The following TMEM266 variants were observed in gnomAD, a reference collection of about 807,000 sequenced individuals.
TMEM266 encodes the protein transmembrane protein 266, also known as Hv1 related protein 1.
TMEM266 carries 33 observed loss-of-function variants against 50.5 expected under a neutral mutation model. The observed-to-expected ratio is 0.65, with a 90% CI of 0.50 to 0.87. The LOEUF is 0.87. TMEM266 is among the 40% of genes least tolerant of loss of function. The probability of loss-of-function intolerance (pLI) is 0.00; values close to 1 mark genes in which losing one functional copy is unlikely to be tolerated. For missense variants in TMEM266, 655 were observed against 695.1 expected, an observed-to-expected ratio of 0.94 and a Z score of 0.65; for synonymous variants, 310 against 292.3, an observed-to-expected ratio of 1.06 and a Z score of -0.62.
At chr15:76,092,996 C>T (rs1054475872) in intron 1 of TMEM266, among the ~76,000 whole-genome samples, 27 of 151,074 alleles carry the variant, frequency 1.8e-4, no homozygotes, top group Admixed American at 1.2e-3. Context: ...TTAGTAGAGA[C>T]GGGGTTTCAC....
chr15:76,166,564 T>C (rs893910924), intron 5 of TMEM266, among the ~76,000 whole-genome samples: 6 of 152,190 alleles, frequency 3.9e-5, no homozygotes, highest in Non-Finnish European at 7.4e-5. Flanking sequence ...GCCCCTTTCC[T>C]TCCCGGGGCA....
intron 1 of TMEM266, among the ~76,000 whole-genome samples, chr15:76,084,832 A>T (rs1182728064): frequency 6.6e-6 from 1 of 151,614 alleles, no homozygotes; most frequent in African/African-American, 2.4e-5. Flanking sequence ...TGAACTCCTG[A>T]CCTCGTGATC....
chr15:76,171,252 G>A, intron 7 of TMEM266, 121 bp downstream of exon 7: 2 of 1,383,990 alleles, frequency 1.4e-6, no homozygotes, highest in Non-Finnish European at 9.7e-7. Context: ...AGGTGAAACT[G>A]TCGGCAGGGA....
chr15:76,184,530 C>T (rs1436547997), intron 8 of TMEM266, among the ~76,000 whole-genome samples: 1 of 152,204 alleles, frequency 6.6e-6, no homozygotes, highest in African/African-American at 2.4e-5. Context: ...GGATGCTATC[C>T]CAACAGCAGA....
chr15:76,144,263 C>T (rs1174019181), intron 3 of TMEM266, among the ~76,000 whole-genome samples: 1 of 152,098 alleles, frequency 6.6e-6, no homozygotes, highest in South Asian at 2.1e-4. Context: ...CAAGCACCTA[C>T]GTCTCTTTCC....
At chr15:76,191,634 C>T (rs2142081628) in intron 8 of TMEM266, 1 of 254,968 alleles carries the variant, frequency 3.9e-6, no homozygotes, top group East Asian at 9.2e-5. Context: ...AGAGCTAGAA[C>T]TGAATTTGCA....
chr15:76,132,671 T>C (rs1262248994), intron 1 of TMEM266, among the ~76,000 whole-genome samples: 2 of 151,420 alleles, frequency 1.3e-5, no homozygotes, highest in African/African-American at 4.8e-5. Flanking sequence ...GGCGCATGCC[T>C]GTAGTCCCAG....
intron 1 of TMEM266, among the ~76,000 whole-genome samples, chr15:76,102,249 A>G (rs997115342): frequency 6.6e-6 from 1 of 152,208 alleles, no homozygotes; most frequent in South Asian, 2.1e-4. Flanking sequence ...GTTATCTTGA[A>G]ATGAAATCCC....
At chr15:76,079,779 A>AT in intron 1 of TMEM266, among the ~76,000 whole-genome samples, 1 of 151,610 alleles carries the variant, frequency 6.6e-6, no homozygotes, top group African/African-American at 2.4e-5. Context: ...CTCAAAAAAA[A>AT]AAAAAAAAAA....
rs1029617628 is a variant in TMEM266, at chr15:76,168,230, G to A, written c.457-1586G>A. ...CACCCAGAGACCGGGAAGTTATAGC[G>A]GAGCGGACTTCGGGCTGCCACATGC... On this transcript the variant is annotated intron_variant, in intron 5 of 10. Coordinates refer to ENST00000388942, the MANE Select transcript of TMEM266 (RefSeq NM_152335.3). The surrounding 1 kb of genome is among the most constrained non-coding windows in gnomAD (Gnocchi z 4.4). Among the ~76,000 whole-genome samples the A allele has an allele frequency of 3.0e-4, 45 of 152,288 alleles. No homozygotes were observed. The highest frequency in any genetic ancestry group is 9.1e-4 in the African/African-American group (38 of 41,558).
At chr15:76,105,413 C>T (rs1294637594) in intron 1 of TMEM266, among the ~76,000 whole-genome samples, 3 of 152,200 alleles carry the variant, frequency 2.0e-5, no homozygotes, top group African/African-American at 4.8e-5. Flanking sequence ...ATCCCTTTCT[C>T]GAATGCTAAT....
In TMEM266 at chr15:76,139,749, C is replaced by CTG. The variant is rs529419827; in HGVS notation, c.227+1856_227+1857dup. On this transcript the variant is annotated intron_variant, in intron 3 of 10. Transcript: ENST00000388942. This position sits in a 1 kb window ranked among gnomAD's most constrained non-coding sequence, Gnocchi z 4.1. ...TTCATTTCCTGCCCCCGGCCTGAGCCTGTTAGGCCCTTTTCACGTGAAGAG... is the reference window on the plus strand; with the variant it reads ...TTCATTTCCTGCCCCCGGCCTGAGCCTGTGTTAGGCCCTTTTCACGTGAAGAG... 2.7e-3 allele frequency among the ~76,000 whole-genome samples: 411 copies of CTG among 152,336 alleles called. 2 individuals carry two copies. The highest frequency in any genetic ancestry group is 9.3e-3 in the African/African-American group (385 of 41,574).
In TMEM266 at chr15:76,199,874, A is replaced by G. The variant is rs2038716737; in HGVS notation, c.959-2328A>G. On this transcript the variant is annotated intron_variant, in intron 9 of 10. Coordinates refer to ENST00000388942, the MANE Select transcript of TMEM266 (RefSeq NM_152335.3). ...TGCACAGGGGCTTTCCAAGGAAAGGAGACTTCCCAGGAGGGATGTGAGGGG... is the reference window on the plus strand; with the variant it reads ...TGCACAGGGGCTTTCCAAGGAAAGGGGACTTCCCAGGAGGGATGTGAGGGG... 5.3e-5 allele frequency among the ~76,000 whole-genome samples: 8 copies of G among 151,854 alleles called. No homozygotes were observed. In the South Asian group the frequency reaches 1.5e-3, roughly 28 times the overall value.
intron 1 of TMEM266, among the ~76,000 whole-genome samples, chr15:76,069,389 G>A (rs2036500127): frequency 1.3e-5 from 2 of 152,190 alleles, no homozygotes; most frequent in South Asian, 2.1e-4. Context: ...CTTTGGTTGA[G>A]TTGTAAAAGC....
At position 76,161,612 on chromosome 15, in the gene TMEM266, C is replaced by G. The variant is rs1002301930; in HGVS notation, c.456+1444C>G. 2.8e-4 allele frequency among the ~76,000 whole-genome samples: 43 copies of G among 152,194 alleles called. No homozygotes were observed. Among genetic ancestry groups the G allele is most frequent in the South Asian group, 2.1e-4 (1 of 4,828 alleles). On this transcript the variant is annotated intron_variant, in intron 5 of 10. Coordinates refer to ENST00000388942, the MANE Select transcript of TMEM266 (RefSeq NM_152335.3). The surrounding 1 kb of genome is among the most constrained non-coding windows in gnomAD (Gnocchi z 4.1). ...TCCCTTTCCTGGGCCTCGCCTCCTA[C>G]AGCCCACGGAGCTGGCTGGTGAGCC...
At chr15:76,080,333 A>AGCCTGGGTGACAGAGCGAGACCCTGT (rs1483239849) in intron 1 of TMEM266, among the ~76,000 whole-genome samples, 1 of 878 alleles carries the variant, frequency 1.1e-3, no homozygotes, top group African/African-American at 4.8e-3. Flanking sequence ...GCTCACTGCA[A>AGCCTGGGTGACAGAGCGAGACCCTGT]CCTCTGCCTC....
chr15:76,157,798 G>T (rs2037949186), intron 4 of TMEM266, among the ~76,000 whole-genome samples: 2 of 152,224 alleles, frequency 1.3e-5, no homozygotes, highest in South Asian at 4.2e-4. Flanking sequence ...ACCAGCCTGG[G>T]GAACATGGCA....
intron 1 of TMEM266, among the ~76,000 whole-genome samples, chr15:76,116,683 T>C (rs2037251482): frequency 6.6e-6 from 1 of 152,134 alleles, no homozygotes; most frequent in Non-Finnish European, 1.5e-5. Context: ...TCTGCAAAAC[T>C]CTAGGACAAC....
chr15:76,077,740 T>G lies in TMEM266; in HGVS notation c.-97+17724T>G, dbSNP rs113075253. Among the ~76,000 whole-genome samples, 811 of 152,096 alleles carry G rather than the reference T, an allele frequency of 5.3e-3. 19 individuals are homozygous for G. The highest frequency in any genetic ancestry group is 0.018 in the African/African-American group (756 of 41,426). ...ACCAGAAGCTGGAAGAAGAAAGGAATGGATTCTCCCCTACAAGCCTTAGAG... is the reference window on the plus strand; with the variant it reads ...ACCAGAAGCTGGAAGAAGAAAGGAAGGGATTCTCCCCTACAAGCCTTAGAG... On this transcript the variant is annotated intron_variant, in intron 1 of 10. Transcript: ENST00000388942.
Sources: allele counts gnomAD v4.1 joint callset (sites outside exome capture counted in the v4.1 genomes callset), GRCh38; gene constraint gnomAD v4.1.1; non-coding constraint Gnocchi (gnomAD v3.1); transcripts MANE v1.5; gene names NCBI Gene and HGNC (gene_info 2026-07-23, HGNC 2026-07-21).